EPC2: variants seen among roughly 807,000 people sequenced by gnomAD.
The protein encoded by EPC2 is enhancer of polycomb 2.
EPC2 carries 14 observed loss-of-function variants against 92.1 expected under a neutral mutation model. That is an observed-to-expected ratio of 0.15 (90% CI 0.10 to 0.24). EPC2 has a LOEUF of 0.24. EPC2 is among the 10% of genes least tolerant of loss of function. The probability of loss-of-function intolerance (pLI) is 1.00; values close to 1 mark genes in which losing one functional copy is unlikely to be tolerated. For synonymous variants in EPC2, 340 were observed against 334.7 expected, an observed-to-expected ratio of 1.02 and a Z score of -0.17; for missense variants, 755 against 971.5, an observed-to-expected ratio of 0.78 and a Z score of 2.96.
intron 8 of EPC2, among the ~76,000 whole-genome samples, chr2:148,769,763 T>A (rs966684567): frequency 1.2e-4 from 18 of 152,246 alleles, no homozygotes; most frequent in African/African-American, 4.3e-4. Context: ...TCGCATTATA[T>A]CACTCTCCAA....
chr2:148,645,251 G>A, intron 1 of EPC2, 81 bp downstream of exon 1: 4 of 1,272,502 alleles, frequency 3.1e-6, no homozygotes, highest in Non-Finnish European at 4.3e-6. Context: ...TTCACAGAGC[G>A]CTTTACGCTC....
chr2:148,737,718 C>A (rs1230864986), intron 2 of EPC2, among the ~76,000 whole-genome samples: 1 of 152,016 alleles, frequency 6.6e-6, no homozygotes, highest in African/African-American at 2.4e-5. Context: ...TCAGGGATGT[C>A]CAATCATTTG....
intron 2 of EPC2, among the ~76,000 whole-genome samples, chr2:148,738,312 C>T (rs1411168218): frequency 1.3e-5 from 2 of 152,182 alleles, no homozygotes; most frequent in Non-Finnish European, 2.9e-5. Flanking sequence ...TCTGTGATCC[C>T]ACAGATACCC....
At chr2:148,701,263 G>C (rs545455644) in intron 2 of EPC2, among the ~76,000 whole-genome samples, 27 of 152,134 alleles carry the variant, frequency 1.8e-4, no homozygotes, top group African/African-American at 5.1e-4. Context: ...TCCTTTTCTT[G>C]TCTTATTGCA....
At chr2:148,711,494 CT>C in intron 2 of EPC2, among the ~76,000 whole-genome samples, 1 of 152,124 alleles carries the variant, frequency 6.6e-6, no homozygotes, top group East Asian at 1.9e-4. Context: ...TTTTTTATGG[CT>C]CAGAATGTGG....
rs144139740 is a variant in EPC2, at chr2:148,762,431, TATATA to T, written c.816-233_816-229del. On this transcript the variant is annotated intron_variant, in intron 5 of 13. Transcript: ENST00000258484. The stretch of plus-strand genomic sequence containing the variant: ...TTCTAAACATTTCCTAGTGCTTGAT[TATATA>T]ATATATGTAAGAAATTTGTTTGCTG... Among the ~76,000 whole-genome samples the T allele has an allele frequency of 9.9e-3, 1,506 of 152,228 alleles. 32 individuals carry two copies. The highest frequency in any genetic ancestry group is 0.034 in the African/African-American group (1,432 of 41,568).
chr2:148,728,301 TTTTGTTTG>T lies in EPC2; in HGVS notation c.314-15309_314-15302del, dbSNP rs142636211. 3.2e-4 allele frequency among the ~76,000 whole-genome samples: 48 copies of T among 152,216 alleles called. No individual in the cohort carries two copies. The South Asian group carries it at 3.3e-3, about 11-fold the overall frequency. ...TATGCTTTTTGTAGCACCTTGCTTTTTTTGTTTGTTTGTTTGTTTTGCTTAATAATATA... is the reference window on the plus strand; with the variant it reads ...TATGCTTTTTGTAGCACCTTGCTTTTTTTGTTTGTTTTGCTTAATAATATA... On this transcript the variant is annotated intron_variant, in intron 2 of 13. Coordinates refer to ENST00000258484, the MANE Select transcript of EPC2 (RefSeq NM_015630.4).
At chr2:148,767,206 A>G (rs1683426751) in intron 7 of EPC2, among the ~76,000 whole-genome samples, 1 of 152,042 alleles carries the variant, frequency 6.6e-6, no homozygotes, top group African/African-American at 2.4e-5. Context: ...TCAAAAAAAA[A>G]AAAAAAAAAT....
chr2:148,743,381 TTA>T (rs1197536687), intron 2 of EPC2, among the ~76,000 whole-genome samples: 16 of 152,296 alleles, frequency 1.1e-4, no homozygotes, highest in Admixed American at 8.5e-4. Context: ...TTATATTCTG[TTA>T]TACATTTTCA....
intron 3 of EPC2, among the ~76,000 whole-genome samples, chr2:148,749,337 A>G (rs1683043270): frequency 6.6e-6 from 1 of 152,166 alleles, no homozygotes; most frequent in South Asian, 2.1e-4. Context: ...CTGAAGGTGT[A>G]GAACTATCCA....
At chr2:148,768,185 G>A (rs1683452091) in intron 7 of EPC2, among the ~76,000 whole-genome samples, 1 of 152,146 alleles carries the variant, frequency 6.6e-6, no homozygotes, top group Non-Finnish European at 1.5e-5. Flanking sequence ...AAGTAAATAT[G>A]GTTGAGCCAG....
intron 3 of EPC2, among the ~76,000 whole-genome samples, chr2:148,752,972 A>G (rs1245600436): frequency 1.3e-5 from 2 of 152,192 alleles, no homozygotes; most frequent in Non-Finnish European, 2.9e-5. Context: ...CTTCATCTCT[A>G]AAATAATACA....
Position 148,753,832 on chromosome 2 carries a change from T to C in EPC2, c.460-95T>C, listed in dbSNP as rs567336220. ...CTATAATATTATCTGTTAGTAGTTA[T>C]TGAAACTGGTCGCATTTTTTTCTAC... On this transcript the variant is annotated intron_variant, in intron 3 of 13. Coordinates refer to ENST00000258484, the MANE Select transcript of EPC2 (RefSeq NM_015630.4). The C allele has an allele frequency of 1.8e-4, 167 of 940,142 alleles. No homozygotes were observed. In the African/African-American group the frequency reaches 2.4e-3, roughly 14 times the overall value. The allele number at this position is 940,142 out of a possible 1,614,324, so 58.2% of individuals were successfully genotyped here. A position where few individuals can be genotyped will look rare whatever the true frequency, so the allele number is the denominator to read the frequency against.
intron 2 of EPC2, among the ~76,000 whole-genome samples, chr2:148,713,022 CAATA>C (rs1168792011): frequency 2.0e-5 from 3 of 152,062 alleles, no homozygotes; most frequent in East Asian, 1.9e-4. Flanking sequence ...GACCCTGTCT[CAATA>C]AATAAATAAA....
intron 4 of EPC2, among the ~76,000 whole-genome samples, chr2:148,757,637 A>C (rs1683218437): frequency 6.6e-6 from 1 of 152,030 alleles, no homozygotes; most frequent in Non-Finnish European, 1.5e-5. Flanking sequence ...CGGGAGTTCA[A>C]GACCAGCCTG....
chr2:148,728,948 T>C (rs1682559645), intron 2 of EPC2, among the ~76,000 whole-genome samples: 1 of 139,068 alleles, frequency 7.2e-6, no homozygotes, highest in East Asian at 2.1e-4. Context: ...AGGAGAATGG[T>C]GTGAACCCGG....
chr2:148,694,515 C>T (rs1681705620), intron 2 of EPC2, among the ~76,000 whole-genome samples: 1 of 152,122 alleles, frequency 6.6e-6, no homozygotes, highest in Non-Finnish European at 1.5e-5. Context: ...AAAACACTAC[C>T]TACTTTCATT....
intron 1 of EPC2, among the ~76,000 whole-genome samples, chr2:148,689,474 C>T (rs1191256535): frequency 6.6e-6 from 1 of 152,018 alleles, no homozygotes; most frequent in Non-Finnish European, 1.5e-5. Flanking sequence ...CACCACCCAG[C>T]CATTGAGTGA....
intron 4 of EPC2, among the ~76,000 whole-genome samples, chr2:148,758,343 A>G (rs371357991): frequency 3.0e-4 from 46 of 152,268 alleles, no homozygotes; most frequent in African/African-American, 1.0e-3. Flanking sequence ...TAAGGGGGGA[A>G]GTTTGATGGT....
Sources: gnomAD v4.1 joint callset for allele counts (sites outside exome capture counted in the v4.1 genomes callset) on GRCh38, gnomAD v4.1.1 for gene constraint, MANE v1.5 for transcripts, NCBI Gene and HGNC (gene_info 2026-07-23, HGNC 2026-07-21) for gene names.